DACH2: variants seen among roughly 807,000 people sequenced by gnomAD.
The protein encoded by DACH2 is dachshund family transcription factor 2.
Under a neutral mutation model 35.8 loss-of-function variants are expected in DACH2, and 17 were observed. The ratio of observed to expected loss-of-function variants is 0.48; its 90% CI spans 0.33 to 0.71. The LOEUF is 0.71. Ranked by LOEUF, DACH2 falls within the 30% of genes least tolerant of loss-of-function variation. DACH2 has a pLI of 0.02. For synonymous variants in DACH2, 195 were observed against 177.3 expected (o/e 1.10, Z -0.79); for missense variants, 469 against 472.7 (o/e 0.99, Z 0.07).
intron 2 of DACH2, among the ~76,000 whole-genome samples, chrX:86,378,082 T>C (rs1233617125): frequency 1.8e-5 from 2 of 110,702 alleles, no homozygotes; most frequent in Non-Finnish European, 3.8e-5. Flanking sequence ...TTTATATGAA[T>C]GCAATTGAAT....
At chrX:86,378,089 G>T (rs2035995059) in intron 2 of DACH2, among the ~76,000 whole-genome samples, 1 of 110,489 alleles carries the variant, frequency 9.1e-6, no homozygotes, top group Non-Finnish European at 1.9e-5. Flanking sequence ...GAATGCAATT[G>T]AATTCAGGCA....
intron 2 of DACH2, among the ~76,000 whole-genome samples, chrX:86,503,075 A>G (rs1028643455): frequency 1.8e-5 from 2 of 112,096 alleles, no homozygotes; most frequent in South Asian, 7.4e-4. Flanking sequence ...AAAAGCAAAA[A>G]CACACAATAC....
intron 1 of DACH2, among the ~76,000 whole-genome samples, chrX:86,203,981 T>A (rs184307408): frequency 9.0e-6 from 1 of 111,683 alleles, no homozygotes; most frequent in East Asian, 2.8e-4. Flanking sequence ...TTCAGAAACA[T>A]GGAGCAGTGC....
chrX:86,304,834 G>T, intron 1 of DACH2: 1 of 147,497 alleles, frequency 6.8e-6, no homozygotes, highest in Non-Finnish European at 1.5e-5. Flanking sequence ...AAGACCAATG[G>T]TAGCAGCAGC....
intron 7 of DACH2, among the ~76,000 whole-genome samples, chrX:86,775,645 G>A (rs1381929206): frequency 1.8e-5 from 2 of 111,698 alleles, no homozygotes; most frequent in East Asian, 5.7e-4. Context: ...CTAATAATGT[G>A]CTCAGTTCAT....
At chrX:86,758,672 A>C (rs1394682024) in intron 7 of DACH2, among the ~76,000 whole-genome samples, 2 of 112,159 alleles carry the variant, frequency 1.8e-5, no homozygotes, top group Non-Finnish European at 3.8e-5. Flanking sequence ...GAAATGTTTA[A>C]TGTGCTGATG....
intron 3 of DACH2, among the ~76,000 whole-genome samples, chrX:86,553,758 G>T (rs1602639109): frequency 8.9e-6 from 1 of 111,988 alleles, no homozygotes; most frequent in African/African-American, 3.2e-5. Context: ...AAGGTCAGAT[G>T]TGTAAACCAC....
intron 6 of DACH2, among the ~76,000 whole-genome samples, chrX:86,724,717 T>C (rs1030646326): frequency 7.2e-5 from 8 of 111,725 alleles, no homozygotes; most frequent in South Asian, 3.7e-4. Context: ...AATTCTCCTT[T>C]AGATGTCTGA....
intron 1 of DACH2, among the ~76,000 whole-genome samples, chrX:86,285,984 T>A (rs139720254): frequency 0.073 from 1,240 of 17,090 alleles, 13 homozygotes; most frequent in African/African-American, 0.22. Flanking sequence ...GTACTCATGC[T>A]CTTTTTTGTT....
At chrX:86,300,493 A>T (rs2034553634) in intron 1 of DACH2, among the ~76,000 whole-genome samples, 1 of 106,423 alleles carries the variant, frequency 9.4e-6, no homozygotes, top group African/African-American at 3.4e-5. Context: ...GAACGCATGG[A>T]CACAGGAAGG....
At position 86,473,192 on chromosome X, in the gene DACH2, A is replaced by C. The variant is rs372744793; in HGVS notation, c.528-41087A>C. 2.5e-4 allele frequency among the ~76,000 whole-genome samples: 28 copies of C among 111,246 alleles called. No homozygotes were observed. In the East Asian group the frequency reaches 3.1e-3, roughly 12 times the overall value. ...ATTATATTCTTTAAGTTGTTTTAAT[A>C]TGTATAATTAAATTATTTAAAAACA... is the stretch of plus-strand genomic sequence containing the variant. On this transcript the variant is annotated intron_variant, in intron 2 of 11. Coordinates refer to ENST00000373125, the MANE Select transcript of DACH2 (RefSeq NM_053281.3).
intron 4 of DACH2, among the ~76,000 whole-genome samples, chrX:86,680,746 T>C (rs1057114945): frequency 1.9e-5 from 2 of 106,886 alleles, no homozygotes; most frequent in African/African-American, 6.9e-5. Context: ...CTTGACCTCC[T>C]GGACTCAAGC....
chrX:86,522,029 A>C (rs2038562844), intron 3 of DACH2, among the ~76,000 whole-genome samples: 1 of 111,445 alleles, frequency 9.0e-6, no homozygotes, highest in African/African-American at 3.3e-5. Flanking sequence ...AAAGTCTTCT[A>C]TTTTTATCTG....
At chrX:86,427,560 G>A in intron 2 of DACH2, among the ~76,000 whole-genome samples, 1 of 110,967 alleles carries the variant, frequency 9.0e-6, no homozygotes. Context: ...AGAGACTATG[G>A]CTCCTTATTA....
rs186204794 is a variant in DACH2, at chrX:86,532,747, C to A, written c.640+18356C>A. Among the ~76,000 whole-genome samples, 193 of 110,937 alleles carry A rather than the reference C, an allele frequency of 1.7e-3. 1 individual carries two copies. Among genetic ancestry groups the A allele is most frequent in the African/African-American group, 5.8e-3 (177 of 30,524 alleles). ...AATTTATAGAGAGTGATTTATATAA[C>A]CTTAGGTTTATTCATAATAAGCTCA... On this transcript the variant is annotated intron_variant, in intron 3 of 11. Coordinates refer to ENST00000373125, the MANE Select transcript of DACH2 (RefSeq NM_053281.3).
At chrX:86,472,483 A>C (rs1207475594) in intron 2 of DACH2, among the ~76,000 whole-genome samples, 1 of 111,729 alleles carries the variant, frequency 9.0e-6, no homozygotes, top group Non-Finnish European at 1.9e-5. Flanking sequence ...TAAGACAATA[A>C]ATTTGTGTTG....
intron 2 of DACH2, among the ~76,000 whole-genome samples, chrX:86,424,231 G>A (rs1262463125): frequency 2.7e-5 from 3 of 110,563 alleles, no homozygotes; most frequent in Non-Finnish European, 3.8e-5. Flanking sequence ...AATGTCATTG[G>A]TATTTTGATA....
intron 3 of DACH2, among the ~76,000 whole-genome samples, chrX:86,516,294 A>G (rs1198262018): frequency 8.9e-6 from 1 of 111,734 alleles, no homozygotes; most frequent in African/African-American, 3.3e-5. Context: ...CAAATAATCA[A>G]ATCTGTGTCC....
chrX:86,389,958 AAC>A (rs1297180261), intron 2 of DACH2, among the ~76,000 whole-genome samples: 2 of 112,261 alleles, frequency 1.8e-5, no homozygotes, highest in African/African-American at 6.5e-5. Context: ...CGTTCATAAT[AAC>A]AGACAATAAT....
Sources: allele counts gnomAD v4.1 joint callset (sites outside exome capture counted in the v4.1 genomes callset), GRCh38; gene constraint gnomAD v4.1.1; transcripts MANE v1.5; gene names NCBI Gene and HGNC (gene_info 2026-07-23, HGNC 2026-07-21).